Variants in DGCR2 observed in about 807,000 individuals in gnomAD.
DGCR2 encodes the protein DiGeorge syndrome critical region gene 2.
In DGCR2, 24 loss-of-function variants were observed where a neutral mutation model predicts 51.6. That is an observed-to-expected ratio of 0.47 (90% CI 0.34 to 0.65). The LOEUF is 0.65. Ranked by LOEUF, DGCR2 falls within the 30% of genes least tolerant of loss-of-function variation. The probability of loss-of-function intolerance (pLI) is 0.01; values close to 1 mark genes in which losing one functional copy is unlikely to be tolerated. For missense variants in DGCR2, 765 were observed against 772.1 expected (o/e 0.99, Z 0.11); for synonymous variants, 340 against 315.4 (o/e 1.08, Z -0.82).
rs1002681708 is a variant in DGCR2 at position 19,036,510 on chromosome 22, G to A, written c.*2355C>T. 2 of 152,470 alleles carry A rather than the reference G, an allele frequency of 1.3e-5. No homozygotes were observed. The highest frequency in any genetic ancestry group is 4.8e-5 in the African/African-American group (2 of 41,440). 9.4% of individuals were successfully genotyped at this position (152,470 alleles called of 1,614,324 possible). A position where few individuals can be genotyped will look rare whatever the true frequency, so the allele number is the denominator to read the frequency against. ...CTGGTCCTAGAGGAGGAGGACCCCT[G>A]GAGCACAAGGTTCAGCAAGGGTGAC... On this transcript the variant is annotated 3_prime_UTR_variant, in exon 10 of 10. Coordinates refer to ENST00000263196, the MANE Select transcript of DGCR2 (RefSeq NM_005137.3).
intron 2 of DGCR2, among the ~76,000 whole-genome samples, chr22:19,083,962 T>C (rs1035945874): frequency 9.2e-5 from 14 of 152,184 alleles, no homozygotes; most frequent in African/African-American, 2.9e-4. Context: ...CCTTGAGTGA[T>C]CCGCCAGCCT....
In DGCR2 at chr22:19,089,435, G is replaced by A. The variant is rs775200159; in HGVS notation, c.135C>T (p.Ile45=). The A allele has an allele frequency of 1.8e-5, 29 of 1,608,936 alleles. No individual in the cohort carries two copies. Among genetic ancestry groups the A allele is most frequent in the Non-Finnish European group, 2.4e-5 (28 of 1,177,588 alleles). Residue 45 remains isoleucine, a synonymous_variant, in exon 2 of 10, where the codon ATC becomes ATT. Coordinates refer to ENST00000263196, the MANE Select transcript of DGCR2 (RefSeq NM_005137.3). ...FACRSGTIQC[I]PLPWQCDGWA... ...AGCCGTCACACTGCCAGGGGAGGGGGATGCACTGGATGGTGCCGCTGCGAC... is the reference window on the plus strand; with the variant it reads ...AGCCGTCACACTGCCAGGGGAGGGGAATGCACTGGATGGTGCCGCTGCGAC...
intron 2 of DGCR2, among the ~76,000 whole-genome samples, chr22:19,077,359 G>T (rs537053144): frequency 6.6e-6 from 1 of 152,172 alleles, no homozygotes; most frequent in Non-Finnish European, 1.5e-5. Context: ...GTTAAGTTTT[G>T]TATATCATTA....
At chr22:19,048,371 G>C (rs1435337745) in intron 7 of DGCR2, 69 bp downstream of exon 7, 1 of 1,561,586 alleles carries the variant, frequency 6.4e-7, no homozygotes, top group Non-Finnish European at 8.8e-7. Context: ...CACTGAGGAA[G>C]CAAAGGGACG....
At chr22:19,039,243 G>A in intron 9 of DGCR2, 122 bp from the exon 10 acceptor site, 1 of 1,311,646 alleles carries the variant, frequency 7.6e-7, no homozygotes, top group South Asian at 1.4e-5. Flanking sequence ...GCTGGGTGGT[G>A]AGCAGGACCT....
At chr22:19,110,574 A>G (rs1189797748) in intron 1 of DGCR2, among the ~76,000 whole-genome samples, 1 of 152,114 alleles carries the variant, frequency 6.6e-6, no homozygotes, top group African/African-American at 2.4e-5. Flanking sequence ...ATGTATGCCT[A>G]TGTAACAAAC....
Position 19,122,227 on chromosome 22 carries a change from C to G in DGCR2, c.-21G>C. The stretch of plus-strand genomic sequence containing the variant: ...ACCATTTATCCTCCGTTCATCGTCC[C>G]CGGGGCGGCTGGAAGGCCGGACCAG... On this transcript the variant is annotated 5_prime_UTR_variant, in exon 1 of 10. Coordinates refer to ENST00000263196, the MANE Select transcript of DGCR2 (RefSeq NM_005137.3). 1.5e-6 allele frequency: 2 copies of G among 1,309,314 alleles called. No individual in the cohort carries two copies. The highest frequency in any genetic ancestry group is 1.0e-6 in the Non-Finnish European group (1 of 978,194). 81.1% of individuals were successfully genotyped at this position (1,309,314 alleles called of 1,614,324 possible).
intron 7 of DGCR2, among the ~76,000 whole-genome samples, chr22:19,042,810 C>T (rs2082447961): frequency 6.6e-6 from 1 of 152,188 alleles, no homozygotes; most frequent in Non-Finnish European, 1.5e-5. Context: ...GCCGCACGGT[C>T]AACTCAGGTA....
intron 2 of DGCR2, among the ~76,000 whole-genome samples, chr22:19,086,106 G>A (rs2083012017): frequency 6.6e-6 from 1 of 152,126 alleles, no homozygotes; most frequent in South Asian, 2.1e-4. Context: ...AAGGAAGTAA[G>A]AAAATACGTA....
intron 1 of DGCR2, among the ~76,000 whole-genome samples, chr22:19,090,546 G>C (rs769445673): frequency 2.0e-5 from 3 of 152,198 alleles, no homozygotes; most frequent in Non-Finnish European, 4.4e-5. Context: ...AAAAGCTGTT[G>C]ACCTACAATT....
At chr22:19,121,745 T>C (rs935770724) in intron 1 of DGCR2, 2 of 162,790 alleles carry the variant, frequency 1.2e-5, no homozygotes, top group African/African-American at 4.8e-5. Flanking sequence ...TTTCCAGGAC[T>C]GAGAGGCTGG....
intron 5 of DGCR2, among the ~76,000 whole-genome samples, chr22:19,062,431 C>T (rs2082674649): frequency 6.6e-6 from 1 of 152,208 alleles, no homozygotes; most frequent in Non-Finnish European, 1.5e-5. Flanking sequence ...CCAGGCCCAT[C>T]ACTCCTCATT....
At chr22:19,084,050 G>A (rs1192777337) in intron 2 of DGCR2, among the ~76,000 whole-genome samples, 8 of 152,108 alleles carry the variant, frequency 5.3e-5, no homozygotes, top group Admixed American at 2.0e-4. Flanking sequence ...GAAGTGCAGT[G>A]GCGTGATCTC....
At chr22:19,107,669 T>TA (rs1426612005) in intron 1 of DGCR2, among the ~76,000 whole-genome samples, 1 of 152,214 alleles carries the variant, frequency 6.6e-6, no homozygotes, top group Admixed American at 6.5e-5. Context: ...CCACCAAGCA[T>TA]ACCTATTCCA....
intron 7 of DGCR2, among the ~76,000 whole-genome samples, chr22:19,043,309 A>C (rs1304089105): frequency 6.6e-6 from 1 of 152,166 alleles, no homozygotes; most frequent in Non-Finnish European, 1.5e-5. Context: ...ATCTGGTCCA[A>C]ATGTCAACAC....
rs6623 is a variant in DGCR2 at position 19,037,868 on chromosome 22, C to T, written c.*997G>A. On this transcript the variant is annotated 3_prime_UTR_variant, in exon 10 of 10. Transcript: ENST00000263196. ...GCTGGGCACTGAGCTGCAGTAGTGG[C>T]GGTGATGTAAGGAGTGGACTTTAAG... 36,912 of 152,496 alleles carry T rather than the reference C, an allele frequency of 0.24. 4,892 individuals are homozygous for T. The highest frequency in any genetic ancestry group is 0.38 in the Middle Eastern group (113 of 296). The allele number at this position is 152,496 out of a possible 1,614,324, so 9.4% of individuals were successfully genotyped here.
In DGCR2 at chr22:19,041,061, C is replaced by T. The variant is rs1458982138; in HGVS notation, c.1393G>A (p.Ala465Thr). ...CTCTCCCTGGGGAGTCAGGCACCTG[C>T]AGGGTCATAGAACACACTGTCCGGG... ...IHPDSVFYDP[A>T]DDDAFEPVEV... The change falls in exon 9 of 10, where the codon GCA becomes ACA. Residue 465 changes from alanine to threonine, a missense_variant. Ala to Thr is a moderately conservative substitution (Grantham distance 58). Transcript: ENST00000263196. 51 of 1,587,420 alleles carry T rather than the reference C, an allele frequency of 3.2e-5. No homozygotes were observed. Among genetic ancestry groups the T allele is most frequent in the Non-Finnish European group, 3.9e-5 (45 of 1,162,778 alleles).
In DGCR2 at chr22:19,039,117, A is replaced by G. The variant is rs762729123; in HGVS notation, c.1401T>C (p.Asp467=). The G allele has an allele frequency of 1.4e-5, 22 of 1,612,902 alleles. No individual in the cohort carries two copies. The highest frequency in any genetic ancestry group is 2.2e-5 in the South Asian group (2 of 91,076). ...TGACCTCCACAGGCTCAAAAGCATC[A>G]TCGTCTGCAGGAAGAGACAGAGGGG... is the stretch of plus-strand genomic sequence containing the variant. ...PDSVFYDPAD[D]DAFEPVEVSL... is the part of the protein sequence containing the mutation. The change falls in exon 10 of 10, where the codon GAT becomes GAC. Residue 467 remains aspartate (D), a synonymous_variant. Coordinates refer to ENST00000263196, the MANE Select transcript of DGCR2 (RefSeq NM_005137.3).
At chr22:19,092,260 CT>C (rs1202772551) in intron 1 of DGCR2, among the ~76,000 whole-genome samples, 1 of 152,080 alleles carries the variant, frequency 6.6e-6, no homozygotes, top group East Asian at 1.9e-4. Context: ...AGGAGAATCG[CT>C]TGAACCTGGG....
Sources: allele counts gnomAD v4.1 joint callset (sites outside exome capture counted in the v4.1 genomes callset), GRCh38; gene constraint gnomAD v4.1.1; transcripts MANE v1.5; gene names NCBI Gene and HGNC (gene_info 2026-07-23, HGNC 2026-07-21).